Variants in ERICH6B observed in about 807,000 individuals in gnomAD.
ERICH6B encodes the protein glutamate rich 6B.
In ERICH6B, 69 loss-of-function variants were observed where a neutral mutation model predicts 80.0. The observed-to-expected ratio is 0.86, with a 90% CI of 0.71 to 1.05. ERICH6B has a LOEUF of 1.05. ERICH6B is among the 50% of genes least tolerant of loss of function. ERICH6B has a pLI of 0.00. For synonymous variants in ERICH6B, 283 were observed against 291.9 expected, an observed-to-expected ratio of 0.97 and a Z score of 0.31; for missense variants, 754 against 796.1, an observed-to-expected ratio of 0.95 and a Z score of 0.64.
intron 13 of ERICH6B, 63 bp downstream of exon 13, chr13:45,549,830 T>A: frequency 6.7e-7 from 1 of 1,500,652 alleles, no homozygotes; most frequent in Non-Finnish European, 8.9e-7. Context: ...AGTCTGGGAG[T>A]CACGCTTTTT....
intron 3 of ERICH6B, among the ~76,000 whole-genome samples, chr13:45,591,381 G>T (rs866844358): frequency 1.3e-3 from 202 of 152,322 alleles, no homozygotes; most frequent in Admixed American, 3.1e-3. Context: ...CGGATCACAA[G>T]GTCAGGAGAT....
rs1593770180 is a variant in ERICH6B, at chr13:45,545,038, T to C, written c.1647-53A>G. ...GCCAGGGCGCTCAGCCCTGGGCCTC[T>C]GCTCCTCCTCTTCTCCTTCCCTTTC... On this transcript the variant is annotated intron_variant, in intron 13 of 14. Coordinates refer to ENST00000298738, the MANE Select transcript of ERICH6B (RefSeq NM_182542.3). 6.5e-6 allele frequency: 9 copies of C among 1,384,028 alleles called. No individual in the cohort carries two copies. In the East Asian group the frequency reaches 2.3e-4, roughly 35 times the overall value. The allele number at this position is 1,384,028 out of a possible 1,614,324, so 85.7% of individuals were successfully genotyped here.
chr13:45,546,909 A>T (rs1874015896), intron 13 of ERICH6B, among the ~76,000 whole-genome samples: 1 of 152,208 alleles, frequency 6.6e-6, no homozygotes, highest in African/African-American at 2.4e-5. Context: ...TTTCCATTGA[A>T]CAAAGAGCAA....
chr13:45,580,302 A>C (rs764884012), intron 6 of ERICH6B, among the ~76,000 whole-genome samples: 77 of 152,222 alleles, frequency 5.1e-4, no homozygotes, highest in Admixed American at 1.3e-4. Flanking sequence ...TCATTGCATG[A>C]ACTAAGTATG....
At position 45,576,194 on chromosome 13, in the gene ERICH6B, G is replaced by A. The variant is rs575210070; in HGVS notation, c.962-1264C>T. Among the ~76,000 whole-genome samples, 12 of 152,292 alleles carry A rather than the reference G, an allele frequency of 7.9e-5. No individual in the cohort carries two copies. In the East Asian group the frequency reaches 1.7e-3, roughly 22 times the overall value. Reference sequence around the variant, plus strand: ...GAGAATTTTACTGGGCTGGGGCTGCGTTTACCCACACTGTCCTGGGGCCTC... The same window carrying A: ...GAGAATTTTACTGGGCTGGGGCTGCATTTACCCACACTGTCCTGGGGCCTC... On this transcript the variant is annotated intron_variant, in intron 7 of 14. Transcript: ENST00000298738.
chr13:45,543,991 G>T (rs965214178), intron 14 of ERICH6B, among the ~76,000 whole-genome samples: 77 of 152,326 alleles, frequency 5.1e-4, no homozygotes, highest in African/African-American at 1.9e-3. Flanking sequence ...CTGAGCTCAA[G>T]TGAGCCTCCT....
chr13:45,554,171 T>A (rs1227142493), intron 11 of ERICH6B, among the ~76,000 whole-genome samples: 1 of 152,218 alleles, frequency 6.6e-6, no homozygotes, highest in African/African-American at 2.4e-5. Context: ...CTCTGTTCTA[T>A]GAGTTTGGTG....
chr13:45,606,538 TATATATA>T (rs1949865750), intron 2 of ERICH6B, among the ~76,000 whole-genome samples: 2 of 16,198 alleles, frequency 1.2e-4, no homozygotes, highest in Admixed American at 9.0e-4. Flanking sequence ...TATATATATA[TATATATA>T]TATTTTTTTT....
At chr13:45,614,686 G>A (rs1387088054) in intron 1 of ERICH6B, among the ~76,000 whole-genome samples, 1 of 152,230 alleles carries the variant, frequency 6.6e-6, no homozygotes, top group Non-Finnish European at 1.5e-5. Context: ...ATCAAGGTGA[G>A]AAGCCTCATT....
At chr13:45,614,139 G>A (rs563268510) in intron 1 of ERICH6B, among the ~76,000 whole-genome samples, 1 of 152,192 alleles carries the variant, frequency 6.6e-6, no homozygotes, top group East Asian at 1.9e-4. Flanking sequence ...TTCTCTGCAG[G>A]ATCCAGTACA....
intron 2 of ERICH6B, among the ~76,000 whole-genome samples, chr13:45,598,327 T>C (rs909108798): frequency 6.6e-6 from 1 of 152,194 alleles, no homozygotes; most frequent in African/African-American, 2.4e-5. Context: ...AATAAACATA[T>C]GGCCAGTGAC....
intron 1 of ERICH6B, among the ~76,000 whole-genome samples, chr13:45,610,127 T>C (rs1192515587): frequency 6.6e-6 from 1 of 152,086 alleles, no homozygotes; most frequent in Non-Finnish European, 1.5e-5. Flanking sequence ...ATTCTGGAGG[T>C]CACAAGATAT....
chr13:45,542,331 C>T (rs748191947), intron 14 of ERICH6B, among the ~76,000 whole-genome samples: 2 of 152,232 alleles, frequency 1.3e-5, no homozygotes, highest in Non-Finnish European at 2.9e-5. Flanking sequence ...ACTATGGGCT[C>T]AGACCACAGG....
intron 3 of ERICH6B, among the ~76,000 whole-genome samples, chr13:45,594,415 A>C (rs58079477): frequency 0.02 from 3,053 of 152,340 alleles, 100 homozygotes; most frequent in African/African-American, 0.07. Flanking sequence ...GATCCAGCAC[A>C]TAGAGGGGAC....
intron 1 of ERICH6B, among the ~76,000 whole-genome samples, chr13:45,609,296 C>A (rs1186727543): frequency 6.6e-6 from 1 of 152,186 alleles, no homozygotes; most frequent in Non-Finnish European, 1.5e-5. Flanking sequence ...TTGCTGCAGC[C>A]TGTTCTCACC....
At chr13:45,592,297 C>A (rs913298760) in intron 3 of ERICH6B, among the ~76,000 whole-genome samples, 1 of 152,214 alleles carries the variant, frequency 6.6e-6, no homozygotes, top group Admixed American at 6.5e-5. Context: ...CAGAAGAAAC[C>A]AGCTCTGGGG....
chr13:45,606,548 T>TATATATATATATATG (rs1491429768), intron 2 of ERICH6B, among the ~76,000 whole-genome samples: 1 of 9,290 alleles, frequency 1.1e-4, no homozygotes, highest in Non-Finnish European at 2.2e-4. Flanking sequence ...TATATATATA[T>TATATATATATATATG]TTTTTTTTTT....
chr13:45,549,920 G>A lies in ERICH6B; in HGVS notation c.1619C>T (p.Thr540Ile), dbSNP rs774151691. ...GATATCACTATTTTCATCATAGAAGGTAGCATTGCCTGAGTTGTTGATAAG... is the reference window on the plus strand; with the variant it reads ...GATATCACTATTTTCATCATAGAAGATAGCATTGCCTGAGTTGTTGATAAG... ...RALINNSGNA[T>I]FYDENSDIWL... Residue 540 changes from threonine to isoleucine, a missense_variant, in exon 13 of 15, where the codon ACC (threonine) becomes ATC (isoleucine). Transcript: ENST00000298738. The A allele has an allele frequency of 6.4e-7, 1 of 1,551,352 alleles. No individual in the cohort carries two copies. Among genetic ancestry groups the A allele is most frequent in the South Asian group, 1.2e-5 (1 of 84,050 alleles).
chr13:45,602,122 A>G (rs1949830960), intron 2 of ERICH6B, among the ~76,000 whole-genome samples: 1 of 152,148 alleles, frequency 6.6e-6, no homozygotes, highest in African/African-American at 2.4e-5. Flanking sequence ...AGCCCAGCTG[A>G]GAAGTTTAGA....
Sources: gnomAD v4.1 joint callset for allele counts (sites outside exome capture counted in the v4.1 genomes callset) on GRCh38, gnomAD v4.1.1 for gene constraint, MANE v1.5 for transcripts, NCBI Gene and HGNC (gene_info 2026-07-23, HGNC 2026-07-21) for gene names.